Variants in DNAH9 observed in about 807,000 individuals in gnomAD.
DNAH9 encodes dynein axonemal heavy chain 9.
A neutral mutation model predicts 471.6 loss-of-function variants in DNAH9; 345 were observed. The observed-to-expected ratio is 0.73, with a 90% CI of 0.67 to 0.80. The LOEUF (loss-of-function observed/expected upper bound fraction) is 0.80, where lower values mean the gene tolerates loss of function less well. DNAH9 is among the 30% of genes least tolerant of loss of function. The probability of loss-of-function intolerance (pLI) is 0.00; values close to 1 mark genes in which losing one functional copy is unlikely to be tolerated. For synonymous variants in DNAH9, 2,093 were observed against 2,123.6 expected (o/e 0.99, Z 0.40); for missense variants, 5,407 against 5,609.2 (o/e 0.96, Z 1.15).
At chr17:11,826,613 C>T (rs1441968293) in intron 48 of DNAH9, among the ~76,000 whole-genome samples, 1 of 151,202 alleles carries the variant, frequency 6.6e-6, no homozygotes, top group Non-Finnish European at 1.5e-5. Flanking sequence ...TGCCTGCCAC[C>T]ATGCCCGGCT....
At chr17:11,632,802 A>G in intron 8 of DNAH9, 99 bp downstream of exon 8, 1 of 592,528 alleles carries the variant, frequency 1.7e-6, no homozygotes, top group Admixed American at 2.4e-5. Flanking sequence ...TGTTCCTGCA[A>G]CTATTAATTA....
At chr17:11,660,454 C>A (rs1047308660) in intron 14 of DNAH9, among the ~76,000 whole-genome samples, 1 of 151,052 alleles carries the variant, frequency 6.6e-6, no homozygotes, top group African/African-American at 2.4e-5. Context: ...TCCCAAATGG[C>A]TGGGATTATA....
chr17:11,944,027 C>T (rs981539480), intron 67 of DNAH9, among the ~76,000 whole-genome samples: 7 of 152,336 alleles, frequency 4.6e-5, no homozygotes, highest in East Asian at 1.9e-4. Context: ...TTTACCCATT[C>T]GACTTCCAAT....
At chr17:11,694,241 A>G in intron 21 of DNAH9, 80 bp from the exon 22 acceptor site, 2 of 1,474,790 alleles carry the variant, frequency 1.4e-6, no homozygotes, top group Non-Finnish European at 1.9e-6. Flanking sequence ...TCTATTGCAT[A>G]TACATACATT....
intron 61 of DNAH9, among the ~76,000 whole-genome samples, chr17:11,912,775 C>A (rs189632356): frequency 6.6e-6 from 1 of 152,204 alleles, no homozygotes; most frequent in East Asian, 1.9e-4. Flanking sequence ...TGTTTTCTTT[C>A]TTTGCAATGT....
rs139118005 is a variant in DNAH9, at chr17:11,851,094, T to TTTGTTGTTGTTG, written c.9508-2888_9508-2877dup. Among the ~76,000 whole-genome samples the TTTGTTGTTGTTG allele has an allele frequency of 7.5e-3, 1,105 of 148,052 alleles. 18 individuals are homozygous for TTTGTTGTTGTTG. The highest frequency in any genetic ancestry group is 0.025 in the African/African-American group (1,001 of 40,374). ...TGGGGGTCGTTTAAATTGAGGTTGTTTTGTTGTTGTTGTTGTTGTTGTTGT... is the reference window on the plus strand; with the variant it reads ...TGGGGGTCGTTTAAATTGAGGTTGTTTTGTTGTTGTTGTTGTTGTTGTTGTTGTTGTTGTTGT... On this transcript the variant is annotated intron_variant, in intron 49 of 68. Transcript: ENST00000262442.
At chr17:11,854,960 A>T (rs1234629609) in intron 50 of DNAH9, among the ~76,000 whole-genome samples, 1 of 152,170 alleles carries the variant, frequency 6.6e-6, no homozygotes, top group East Asian at 1.9e-4. Context: ...TATTGTTATT[A>T]TGTCTGCTTC....
intron 27 of DNAH9, among the ~76,000 whole-genome samples, chr17:11,723,698 C>T (rs747094972): frequency 1.3e-5 from 2 of 151,472 alleles, no homozygotes; most frequent in Non-Finnish European, 2.9e-5. Flanking sequence ...GATGGAGTCT[C>T]GCTCTGTCCC....
intron 19 of DNAH9, 25 bp downstream of exon 19, chr17:11,680,914 T>C (rs753441219): frequency 1.5e-4 from 243 of 1,587,550 alleles, no homozygotes; most frequent in Non-Finnish European, 2.1e-4. Context: ...CTGCTGCCTC[T>C]CTTTCTGTGA....
intron 26 of DNAH9, among the ~76,000 whole-genome samples, chr17:11,708,416 C>A (rs909086465): frequency 3.3e-5 from 5 of 152,146 alleles, no homozygotes; most frequent in African/African-American, 9.7e-5. Context: ...AGCTGGGAAT[C>A]CATCTTCCTC....
At chr17:11,965,049 G>T (rs561920532) in intron 68 of DNAH9, among the ~76,000 whole-genome samples, 27 of 152,306 alleles carry the variant, frequency 1.8e-4, no homozygotes, top group African/African-American at 6.0e-4. Context: ...GCAAACAGTA[G>T]GCTAATCAAA....
intron 67 of DNAH9, among the ~76,000 whole-genome samples, chr17:11,955,918 T>C (rs1975616289): frequency 6.6e-6 from 1 of 152,230 alleles, no homozygotes; most frequent in Non-Finnish European, 1.5e-5. Flanking sequence ...TAGGTATTCA[T>C]TGTAAACCAA....
chr17:11,728,102 C>T, intron 28 of DNAH9, 180 bp downstream of exon 28: 1 of 583,766 alleles, frequency 1.7e-6, no homozygotes, highest in East Asian at 2.8e-5. Context: ...AAATGGGTAT[C>T]CTTCTGTTAC....
At chr17:11,729,669 G>T (rs904013060) in intron 28 of DNAH9, among the ~76,000 whole-genome samples, 3 of 152,152 alleles carry the variant, frequency 2.0e-5, no homozygotes, top group Admixed American at 6.5e-5. Context: ...GGTGGCAGAA[G>T]GGGGGTGGGA....
Position 11,689,750 on chromosome 17 carries a change from G to A in DNAH9, c.3928G>A (p.Gly1310Arg). The A allele has an allele frequency of 6.2e-7, 1 of 1,613,824 alleles. No individual in the cohort carries two copies. Among genetic ancestry groups the A allele is most frequent in the Non-Finnish European group, 8.5e-7 (1 of 1,179,686 alleles). The change falls in exon 20 of 69, where the codon GGA becomes AGA. Residue 1310 changes from glycine (G) to arginine (R), a missense_variant. Coordinates refer to ENST00000262442, the MANE Select transcript of DNAH9 (RefSeq NM_001372.4). ...CQLKELWDTI[G>R]MVTSSIHAWE... ...GCTGAAGGAGCTCTGGGACACCATT[G>A]GAATGGTGACCTCCAGCATCCATGC...
intron 44 of DNAH9, among the ~76,000 whole-genome samples, 193 bp from the exon 45 acceptor site, chr17:11,810,053 C>A (rs1366890604): frequency 6.6e-6 from 1 of 152,106 alleles, no homozygotes; most frequent in East Asian, 1.9e-4. Flanking sequence ...TTTATTGGCA[C>A]CAAAGCCTGG....
At chr17:11,809,347 C>T (rs1049947591) in intron 44 of DNAH9, among the ~76,000 whole-genome samples, 7 of 151,962 alleles carry the variant, frequency 4.6e-5, no homozygotes, top group Admixed American at 1.3e-4. Flanking sequence ...GAGTGGATCA[C>T]GAGGTCAGGA....
chr17:11,624,844 A>G (rs1019604990), intron 6 of DNAH9, among the ~76,000 whole-genome samples: 2 of 151,942 alleles, frequency 1.3e-5, no homozygotes, highest in African/African-American at 2.4e-5. Flanking sequence ...TGTACACTCA[A>G]TTTTTGCCAT....
intron 51 of DNAH9, 66 bp from the exon 52 acceptor site, chr17:11,871,532 G>A: frequency 6.8e-7 from 1 of 1,460,504 alleles, no homozygotes; most frequent in Non-Finnish European, 9.5e-7. Context: ...TCTCCATGAT[G>A]GAATCACGGC....
Sources: gnomAD v4.1 joint callset for allele counts (sites outside exome capture counted in the v4.1 genomes callset) on GRCh38, gnomAD v4.1.1 for gene constraint, MANE v1.5 for transcripts, NCBI Gene and HGNC (gene_info 2026-07-23, HGNC 2026-07-21) for gene names.